The following GNAQ variants were observed in gnomAD, a reference collection of about 807,000 sequenced individuals.
GNAQ encodes G protein subunit alpha q, also known as guanine nucleotide-binding protein G(q) subunit alpha.
In GNAQ, 8 loss-of-function variants were observed where a neutral mutation model predicts 43.9. That is an observed-to-expected ratio of 0.18 (90% CI 0.11 to 0.33). GNAQ has a LOEUF of 0.33. GNAQ is among the 10% of genes least tolerant of loss of function. GNAQ has a pLI of 1.00. For synonymous variants in GNAQ, 155 were observed against 170.7 expected (o/e 0.91, Z 0.71); for missense variants, 158 against 450.8 (o/e 0.35, Z 5.88).
intron 1 of GNAQ, among the ~76,000 whole-genome samples, chr9:77,945,733 T>C (rs1030117917): frequency 2.6e-5 from 4 of 152,186 alleles, no homozygotes; most frequent in African/African-American, 4.8e-5. Flanking sequence ...GTTAAATTTA[T>C]AGGAGCATTA....
intron 2 of GNAQ, among the ~76,000 whole-genome samples, chr9:77,921,049 C>CA (rs1564152271): frequency 6.6e-6 from 1 of 152,104 alleles, no homozygotes; most frequent in Admixed American, 6.5e-5. Flanking sequence ...GTAGATTTAT[C>CA]AAAAGTACTG....
chr9:77,798,877 T>TG lies in GNAQ; in HGVS notation c.477-1230dup, dbSNP rs199508023. On this transcript the variant is annotated intron_variant, in intron 3 of 6. Coordinates refer to ENST00000286548, the MANE Select transcript of GNAQ (RefSeq NM_002072.5). ...TAGATACAGAGGGCTGACTGTATTATGGGGGGGTATCTAGTTCTATGAGAT... is the reference window on the plus strand; with the variant it reads ...TAGATACAGAGGGCTGACTGTATTATGGGGGGGGTATCTAGTTCTATGAGAT... Among the ~76,000 whole-genome samples, 812 of 152,246 alleles carry TG rather than the reference T, an allele frequency of 5.3e-3. 4 individuals are homozygous for TG. The highest frequency in any genetic ancestry group is 8.9e-3 in the Non-Finnish European group (603 of 68,004).
At chr9:77,787,796 G>A (rs1488285492) in intron 5 of GNAQ, among the ~76,000 whole-genome samples, 2 of 152,312 alleles carry the variant, frequency 1.3e-5, no homozygotes, top group East Asian at 3.9e-4. Flanking sequence ...TTGGGAGGCC[G>A]AGGCAGGTGG....
chr9:77,874,607 G>C (rs921625540), intron 2 of GNAQ, among the ~76,000 whole-genome samples: 1 of 151,952 alleles, frequency 6.6e-6, no homozygotes, highest in Non-Finnish European at 1.5e-5. Flanking sequence ...AGGACAACTA[G>C]GCTAAGCACC....
intron 2 of GNAQ, among the ~76,000 whole-genome samples, chr9:77,876,216 T>C (rs1027728443): frequency 4.6e-4 from 70 of 152,274 alleles, no homozygotes; most frequent in African/African-American, 1.7e-3. Context: ...AGAATGCAAA[T>C]TCCTCTAGAT....
chr9:77,809,658 T>C (rs1395261207), intron 3 of GNAQ, among the ~76,000 whole-genome samples: 2 of 152,226 alleles, frequency 1.3e-5, no homozygotes, highest in Non-Finnish European at 2.9e-5. Context: ...TAAGGCCAAT[T>C]GCAAATGTAT....
At chr9:77,939,559 C>G (rs1483026680) in intron 1 of GNAQ, among the ~76,000 whole-genome samples, 1 of 152,124 alleles carries the variant, frequency 6.6e-6, no homozygotes, top group African/African-American at 2.4e-5. Flanking sequence ...AAGTTCCCCC[C>G]TTTTCTCTCC....
intron 2 of GNAQ, among the ~76,000 whole-genome samples, chr9:77,866,638 A>G (rs1188887962): frequency 6.6e-6 from 1 of 152,208 alleles, no homozygotes; most frequent in Non-Finnish European, 1.5e-5. Context: ...TTCACACAGT[A>G]ACTTTAGATG....
intron 1 of GNAQ, among the ~76,000 whole-genome samples, chr9:77,977,755 G>A (rs1823322578): frequency 6.6e-6 from 1 of 152,152 alleles, no homozygotes; most frequent in Non-Finnish European, 1.5e-5. Flanking sequence ...GAAGGCTAGT[G>A]GGGTTCTTTC....
intron 5 of GNAQ, among the ~76,000 whole-genome samples, chr9:77,760,682 T>G (rs1333320412): frequency 2.0e-5 from 3 of 150,420 alleles, no homozygotes; most frequent in Non-Finnish European, 3.0e-5. Context: ...TCTGGGATGT[T>G]AGGAGCCCCT....
chr9:77,933,092 T>C (rs1829174910), intron 1 of GNAQ, among the ~76,000 whole-genome samples: 1 of 152,170 alleles, frequency 6.6e-6, no homozygotes, highest in Admixed American at 6.5e-5. Flanking sequence ...AAAAGCACTC[T>C]CGTACACCTA....
chr9:78,030,947 C>A (rs1824049027), intron 1 of GNAQ, among the ~76,000 whole-genome samples, 153 bp downstream of exon 1: 1 of 151,524 alleles, frequency 6.6e-6, no homozygotes, highest in African/African-American at 2.4e-5. Context: ...CGCGCGCCCG[C>A]GCGGGTGAAG....
intron 2 of GNAQ, among the ~76,000 whole-genome samples, chr9:77,896,220 T>C (rs1587393865): frequency 2.0e-5 from 3 of 152,174 alleles, no homozygotes; most frequent in South Asian, 2.1e-4. Context: ...AGAAGCTAAA[T>C]TGGAACACTT....
intron 5 of GNAQ, among the ~76,000 whole-genome samples, chr9:77,735,326 C>T (rs920268796): frequency 6.6e-6 from 1 of 152,184 alleles, no homozygotes; most frequent in Non-Finnish European, 1.5e-5. Flanking sequence ...AGTTGATTTA[C>T]TTTCTATGTA....
chr9:77,863,231 A>AGG (rs1827889254), intron 2 of GNAQ, among the ~76,000 whole-genome samples: 3 of 59,974 alleles, frequency 5.0e-5, no homozygotes, highest in East Asian at 3.5e-4. Context: ...AGGAAGGAAG[A>AGG]AAGGAAGGAA....
chr9:78,022,456 C>G (rs750141620), intron 1 of GNAQ, among the ~76,000 whole-genome samples: 12 of 152,174 alleles, frequency 7.9e-5, no homozygotes, highest in Non-Finnish European at 1.6e-4. Flanking sequence ...ACCCCACTTT[C>G]AGTCACAGAT....
chr9:77,800,863 G>A (rs1162518864), intron 3 of GNAQ, among the ~76,000 whole-genome samples: 2 of 152,122 alleles, frequency 1.3e-5, no homozygotes, highest in Non-Finnish European at 2.9e-5. Flanking sequence ...AAATCCACAA[G>A]TTCACCATTT....
chr9:77,828,436 T>TACC lies in GNAQ; in HGVS notation c.322-12669_322-12667dup, dbSNP rs148607180. Among the ~76,000 whole-genome samples, 1,042 of 152,280 alleles carry TACC rather than the reference T, an allele frequency of 6.8e-3. 11 individuals are homozygous for TACC. Among genetic ancestry groups the TACC allele is most frequent in the African/African-American group, 0.024 (1,009 of 41,566 alleles). On this transcript the variant is annotated intron_variant, in intron 2 of 6. Coordinates refer to ENST00000286548, the MANE Select transcript of GNAQ (RefSeq NM_002072.5). Reference sequence around the variant, plus strand: ...TAGGGCCTCAGACTTTCCAGAATCCTACCCATCCTCCTGTAATTAAGCCTT... The same window carrying TACC: ...TAGGGCCTCAGACTTTCCAGAATCCTACCACCCATCCTCCTGTAATTAAGCCTT...
intron 5 of GNAQ, among the ~76,000 whole-genome samples, chr9:77,773,253 T>C (rs1297124171): frequency 6.6e-6 from 1 of 152,238 alleles, no homozygotes; most frequent in Non-Finnish European, 1.5e-5. Context: ...CTGTGAGGCA[T>C]AAATGTCAAA....
Sources: allele counts gnomAD v4.1 joint callset (sites outside exome capture counted in the v4.1 genomes callset), GRCh38; gene constraint gnomAD v4.1.1; transcripts MANE v1.5; gene names NCBI Gene and HGNC (gene_info 2026-07-23, HGNC 2026-07-21).